ARMC9: variants seen among roughly 807,000 people sequenced by gnomAD.
The protein encoded by ARMC9 is lisH domain-containing protein ARMC9.
Under a neutral mutation model 107.0 loss-of-function variants are expected in ARMC9, and 94 were observed. The ratio of observed to expected loss-of-function variants is 0.88; its 90% CI spans 0.74 to 1.04. The LOEUF (loss-of-function observed/expected upper bound fraction) is 1.04. Among genes scored for constraint, ARMC9 ranks in the 50% least tolerant of loss-of-function variants. The pLI, the probability that ARMC9 is intolerant of heterozygous loss-of-function variation, is 0.00. For synonymous variants in ARMC9, 380 were observed against 396.9 expected (o/e 0.96, Z 0.51); for missense variants, 942 against 1,030.1 (o/e 0.91, Z 1.17).
At chr2:231,274,870 G>A (rs775579723) in intron 14 of ARMC9, among the ~76,000 whole-genome samples, 1 of 152,116 alleles carries the variant, frequency 6.6e-6, no homozygotes, top group Admixed American at 6.5e-5. Context: ...TATATGAATC[G>A]AAAAGAACTG....
chr2:231,254,863 C>T (rs2037622056), intron 9 of ARMC9, among the ~76,000 whole-genome samples: 1 of 152,042 alleles, frequency 6.6e-6, no homozygotes, highest in Non-Finnish European at 1.5e-5. Context: ...TTATTCCCTG[C>T]CCCCACCCTG....
intron 21 of ARMC9, among the ~76,000 whole-genome samples, chr2:231,353,122 T>G (rs1454041827): frequency 7.6e-6 from 1 of 131,698 alleles, no homozygotes; most frequent in Non-Finnish European, 1.5e-5. Context: ...TTTTCCCCTT[T>G]TGGGCTTTGA....
intron 4 of ARMC9, 39 bp from the exon 5 acceptor site, chr2:231,216,599 G>T: frequency 1.2e-6 from 2 of 1,600,544 alleles, no homozygotes; most frequent in South Asian, 2.3e-5. Context: ...ACTGGGCATT[G>T]ATCTGGAGAC....
intron 19 of ARMC9, among the ~76,000 whole-genome samples, chr2:231,304,788 A>G (rs539455599): frequency 6.6e-6 from 1 of 152,214 alleles, no homozygotes; most frequent in Non-Finnish European, 1.5e-5. Flanking sequence ...TTGGGAAGCT[A>G]TTGAGCTCAC....
intron 21 of ARMC9, among the ~76,000 whole-genome samples, chr2:231,353,978 TATACACAC>T (rs1007328266): frequency 2.5e-4 from 35 of 138,304 alleles, no homozygotes; most frequent in African/African-American, 1.0e-3. Context: ...TATATGTATA[TATACACAC>T]ACACACACAC....
At chr2:231,278,806 TAA>T (rs941569220) in intron 16 of ARMC9, among the ~76,000 whole-genome samples, 1 of 152,172 alleles carries the variant, frequency 6.6e-6, no homozygotes, top group Non-Finnish European at 1.5e-5. Flanking sequence ...GATGGAGCCT[TAA>T]AAGAGATATG....
At chr2:231,199,671 G>A (rs1221578327) in intron 1 of ARMC9, among the ~76,000 whole-genome samples, 2 of 152,266 alleles carry the variant, frequency 1.3e-5, no homozygotes, top group Non-Finnish European at 2.9e-5. Flanking sequence ...TGATATAAAA[G>A]TTTAGAGAAA....
intron 19 of ARMC9, among the ~76,000 whole-genome samples, chr2:231,306,398 A>G (rs894154168): frequency 6.6e-6 from 1 of 152,202 alleles, no homozygotes; most frequent in Non-Finnish European, 1.5e-5. Context: ...AATCATTTGG[A>G]GAATAATCCA....
chr2:231,341,762 G>C (rs962436154), intron 20 of ARMC9, among the ~76,000 whole-genome samples: 1 of 152,140 alleles, frequency 6.6e-6, no homozygotes, highest in African/African-American at 2.4e-5. Context: ...CAATTAGTAA[G>C]AAATTTTTTT....
At chr2:231,283,694 C>T (rs7587953) in intron 17 of ARMC9, among the ~76,000 whole-genome samples, 43,532 of 152,010 alleles carry the variant, frequency 0.29, 6,600 homozygotes, top group African/African-American at 0.33. Flanking sequence ...CCTCCCAAAG[C>T]GCCGAGATTA....
chr2:231,291,235 G>A (rs1280542266), intron 17 of ARMC9, 118 bp from the exon 18 acceptor site: 7 of 744,224 alleles, frequency 9.4e-6, no homozygotes, highest in Non-Finnish European at 1.6e-5. Context: ...CCCCACCCAA[G>A]GTATCCTCTT....
rs757131811 is a variant in ARMC9 at position 231,278,389 on chromosome 2, CAT to C, written c.1483_1484del (p.Met495ValfsTer19). 3.1e-6 allele frequency: 5 copies of C among 1,613,992 alleles called. No homozygotes were observed. Among genetic ancestry groups the C allele is most frequent in the Admixed American group, 1.7e-5 (1 of 59,996 alleles). ...TTGATTTGTTTCCCATAGGGAAGAACATGTGTGCCAAGGTGGCAGGCCTCGTG... is the reference window on the plus strand; with the variant it reads ...TTGATTTGTTTCCCATAGGGAAGAACGTGTGCCAAGGTGGCAGGCCTCGTG... ...NLCLRSTGKN[M>X]CAKVAGLVLK... On this transcript the variant is annotated frameshift_variant, in exon 16 of 25. Coordinates refer to ENST00000611582, the MANE Select transcript of ARMC9 (RefSeq NM_001352754.2). LOFTEE classifies it high-confidence loss of function.
In ARMC9 at chr2:231,208,265, T is replaced by A; in HGVS notation, c.177+13T>A. 6.3e-7 allele frequency: 1 copy of A among 1,591,808 alleles called. No homozygotes were observed. The highest frequency in any genetic ancestry group is 8.6e-7 in the Non-Finnish European group (1 of 1,161,904). ...ATTGACAATTCAGGTAACATTTTGC[T>A]TATTTTTCATCCCTGTAGATAATTC... On this transcript the variant is annotated intron_variant, in intron 3 of 24. Coordinates refer to ENST00000611582, the MANE Select transcript of ARMC9 (RefSeq NM_001352754.2).
chr2:231,277,583 T>C (rs1231088566), intron 15 of ARMC9, among the ~76,000 whole-genome samples: 4 of 148,558 alleles, frequency 2.7e-5, no homozygotes, highest in East Asian at 2.0e-4. Flanking sequence ...TTTTTTGAGA[T>C]GAAGTCACGC....
intron 20 of ARMC9, among the ~76,000 whole-genome samples, chr2:231,339,793 G>A (rs570478516): frequency 4.6e-5 from 7 of 152,212 alleles, no homozygotes; most frequent in African/African-American, 7.2e-5. Context: ...TTATTCAGGC[G>A]TGGTAGCACA....
intron 2 of ARMC9, among the ~76,000 whole-genome samples, chr2:231,207,737 G>A (rs982287283): frequency 1.3e-5 from 2 of 152,244 alleles, no homozygotes; most frequent in African/African-American, 4.8e-5. Flanking sequence ...GCCTCCCAAA[G>A]TGCTGGGATT....
intron 9 of ARMC9, among the ~76,000 whole-genome samples, chr2:231,248,724 T>C (rs569541898): frequency 6.7e-6 from 1 of 150,248 alleles, no homozygotes; most frequent in Admixed American, 6.7e-5. Context: ...GAAGAATCGC[T>C]TGAACCCGGG....
At chr2:231,211,358 TAA>T (rs773845468) in intron 3 of ARMC9, among the ~76,000 whole-genome samples, 41 of 131,036 alleles carry the variant, frequency 3.1e-4, no homozygotes, top group South Asian at 4.9e-4. Context: ...CCGCCTCTAC[TAA>T]AAAAAAAAAA....
chr2:231,349,041 A>G (rs1203898824), intron 21 of ARMC9, among the ~76,000 whole-genome samples: 2 of 152,206 alleles, frequency 1.3e-5, no homozygotes, highest in African/African-American at 4.8e-5. Flanking sequence ...TCAAAGAACT[A>G]AAAATAGAGC....
Sources: gnomAD v4.1 joint callset for allele counts (sites outside exome capture counted in the v4.1 genomes callset) on GRCh38, gnomAD v4.1.1 for gene constraint, MANE v1.5 for transcripts, NCBI Gene and HGNC (gene_info 2026-07-23, HGNC 2026-07-21) for gene names.